ARHGAP10: variants seen among roughly 807,000 people sequenced by gnomAD.
The protein encoded by ARHGAP10 is rho GTPase-activating protein 10.
A neutral mutation model predicts 108.6 loss-of-function variants in ARHGAP10; 87 were observed. That is an observed-to-expected ratio of 0.80 (90% CI 0.67 to 0.96). The LOEUF (loss-of-function observed/expected upper bound fraction) is 0.96. Among genes scored for constraint, ARHGAP10 ranks in the 40% least tolerant of loss-of-function variants. The pLI is 0.00. For synonymous variants in ARHGAP10, 347 were observed against 341.1 expected (o/e 1.02, Z -0.19); for missense variants, 939 against 954.5 (o/e 0.98, Z 0.21).
chr4:147,877,040 G>A (rs190596013), intron 8 of ARHGAP10, among the ~76,000 whole-genome samples: 4 of 152,298 alleles, frequency 2.6e-5, no homozygotes, highest in Admixed American at 2.6e-4. Context: ...TAGTGTGTAT[G>A]CCCAGAGCTG....
intron 7 of ARHGAP10, among the ~76,000 whole-genome samples, chr4:147,868,039 G>A (rs1734641141): frequency 6.6e-6 from 1 of 151,808 alleles, no homozygotes; most frequent in African/African-American, 2.4e-5. Flanking sequence ...CATTCAGCTG[G>A]GCTAATGATA....
chr4:148,063,725 G>A (rs1439933149), intron 21 of ARHGAP10, among the ~76,000 whole-genome samples: 1 of 152,224 alleles, frequency 6.6e-6, no homozygotes, highest in Non-Finnish European at 1.5e-5. Context: ...TCTTCCACCT[G>A]TAGTGGCTCA....
intron 16 of ARHGAP10, among the ~76,000 whole-genome samples, chr4:147,963,062 A>G (rs530378738): frequency 6.6e-6 from 1 of 152,310 alleles, no homozygotes; most frequent in East Asian, 1.9e-4. Flanking sequence ...AATATCAGGC[A>G]TACCTTCCCC....
At chr4:147,866,944 C>G (rs1051812277) in intron 7 of ARHGAP10, 128 bp downstream of exon 7, 1 of 737,226 alleles carries the variant, frequency 1.4e-6, no homozygotes, top group African/African-American at 1.8e-5. Context: ...TGAGGGTATG[C>G]TGCCACCTGC....
Position 147,837,643 on chromosome 4 carries a change from G to GTTTTTTTTTTTTTTTTT in ARHGAP10, c.313-9505_313-9489dup, listed in dbSNP as rs59933316. Among the ~76,000 whole-genome samples, 228 of 70,216 alleles carry GTTTTTTTTTTTTTTTTT rather than the reference G, an allele frequency of 3.2e-3. 14 individuals are homozygous for GTTTTTTTTTTTTTTTTT. Among genetic ancestry groups the GTTTTTTTTTTTTTTTTT allele is most frequent in the Non-Finnish European group, 3.2e-3 (106 of 32,950 alleles). 46.1% of individuals were successfully genotyped at this position (70,216 alleles called of 152,430 possible). A position where few individuals can be genotyped will look rare whatever the true frequency, so the allele number is the denominator to read the frequency against. Reference sequence around the variant, plus strand: ...CACCTCGCTAGAATCTCTGGTCACTGTTTTTTTTTTTTTTTTTTTAAAGCA... The same window carrying GTTTTTTTTTTTTTTTTT: ...CACCTCGCTAGAATCTCTGGTCACTGTTTTTTTTTTTTTTTTTTTTTTTTTTTTTTTTTTTTAAAGCA... On this transcript the variant is annotated intron_variant, in intron 3 of 22. Coordinates refer to ENST00000336498, the MANE Select transcript of ARHGAP10 (RefSeq NM_024605.4).
chr4:148,009,933 T>C (rs1741106118), intron 18 of ARHGAP10, among the ~76,000 whole-genome samples: 1 of 152,224 alleles, frequency 6.6e-6, no homozygotes, highest in Non-Finnish European at 1.5e-5. Context: ...GTTTCTGGTA[T>C]CTGAATAAGG....
At position 147,827,811 on chromosome 4, in the gene ARHGAP10, T is replaced by G. The variant is rs529095237; in HGVS notation, c.312+4854T>G. Among the ~76,000 whole-genome samples the G allele has an allele frequency of 2.0e-4, 31 of 152,214 alleles. No individual in the cohort carries two copies. In the South Asian group the frequency reaches 2.7e-3, roughly 13 times the overall value. ...TTCATAGTGGTCACTTAATCTTTTTTTTTGTTTGTTTTTGAGATGGGGTCT... is the reference window on the plus strand; with the variant it reads ...TTCATAGTGGTCACTTAATCTTTTTGTTTGTTTGTTTTTGAGATGGGGTCT... On this transcript the variant is annotated intron_variant, in intron 3 of 22. Coordinates refer to ENST00000336498, the MANE Select transcript of ARHGAP10 (RefSeq NM_024605.4).
At chr4:147,890,835 C>A (rs1265408314) in intron 10 of ARHGAP10, among the ~76,000 whole-genome samples, 3 of 151,384 alleles carry the variant, frequency 2.0e-5, no homozygotes, top group African/African-American at 7.3e-5. Flanking sequence ...ACAAAAAAAA[C>A]AACAAAAAAA....
At chr4:147,909,907 T>C in intron 12 of ARHGAP10, 130 bp downstream of exon 12, 1 of 867,724 alleles carries the variant, frequency 1.2e-6, no homozygotes, top group African/African-American at 1.7e-5. Flanking sequence ...GTATTACACG[T>C]AATAATCCTC....
chr4:147,887,521 C>T (rs1735619998), intron 10 of ARHGAP10, among the ~76,000 whole-genome samples: 2 of 152,126 alleles, frequency 1.3e-5, no homozygotes, highest in Admixed American at 1.3e-4. Flanking sequence ...TTTTTAACTC[C>T]TATAAACATA....
At chr4:147,984,417 G>A (rs904158815) in intron 18 of ARHGAP10, among the ~76,000 whole-genome samples, 1 of 152,240 alleles carries the variant, frequency 6.6e-6, no homozygotes, top group Non-Finnish European at 1.5e-5. Flanking sequence ...CTCCATGTTC[G>A]TTCCAGGGCT....
chr4:147,982,207 T>C (rs1739834416), intron 18 of ARHGAP10, among the ~76,000 whole-genome samples: 1 of 152,138 alleles, frequency 6.6e-6, no homozygotes, highest in South Asian at 2.1e-4. Context: ...TCAGCTGTCA[T>C]TCTGATGGGT....
At position 147,896,724 on chromosome 4, in the gene ARHGAP10, C is replaced by T. The variant is rs1736005907; in HGVS notation, c.1035-9914C>T. ...TTAGAAGCACAGATCATTAATTTTA[C>T]ACCTTGTTTTTGAGATGGGCATTTG... On this transcript the variant is annotated intron_variant, in intron 10 of 22. Transcript: ENST00000336498. Among the ~76,000 whole-genome samples the T allele has an allele frequency of 3.3e-5, 5 of 151,862 alleles. 1 individual carries two copies. In the South Asian group the frequency reaches 1.0e-3, roughly 32 times the overall value.
At chr4:147,958,364 C>A (rs1457629167) in intron 16 of ARHGAP10, among the ~76,000 whole-genome samples, 1 of 151,618 alleles carries the variant, frequency 6.6e-6, no homozygotes. Flanking sequence ...ACTTGTGTTG[C>A]TATGTTCAGT....
intron 1 of ARHGAP10, among the ~76,000 whole-genome samples, chr4:147,800,549 C>T (rs1438744091): frequency 1.3e-5 from 2 of 152,136 alleles, no homozygotes; most frequent in African/African-American, 2.4e-5. Context: ...AATGAGCCTA[C>T]CTGAGCTGCC....
At chr4:147,789,518 C>T (rs922724275) in intron 1 of ARHGAP10, among the ~76,000 whole-genome samples, 1 of 152,340 alleles carries the variant, frequency 6.6e-6, no homozygotes, top group Admixed American at 6.5e-5. Context: ...TCTTGAACTC[C>T]TGGCCTCGGC....
chr4:147,874,455 G>A (rs1333922817), intron 7 of ARHGAP10, among the ~76,000 whole-genome samples: 1 of 150,990 alleles, frequency 6.6e-6, no homozygotes, highest in Non-Finnish European at 1.5e-5. Flanking sequence ...GTGTAGGTGA[G>A]ATTTTTTTTC....
At chr4:147,906,774 T>C in intron 11 of ARHGAP10, 55 bp downstream of exon 11, 1 of 1,588,510 alleles carries the variant, frequency 6.3e-7, no homozygotes, top group Non-Finnish European at 8.6e-7. Flanking sequence ...TTGACTTGCA[T>C]TCATTTTTAT....
rs1223211877 is a variant in ARHGAP10, at chr4:147,784,927, TATGTTATAAAATATAAAAC to T, written c.155-37784_155-37766del. Among the ~76,000 whole-genome samples, 25 of 123,952 alleles carry T rather than the reference TATGTTATAAAATATAAAAC, an allele frequency of 2.0e-4. No individual in the cohort carries two copies. In the East Asian group the frequency reaches 3.2e-3, roughly 16 times the overall value. The allele number at this position is 123,952 out of a possible 152,430, so 81.3% of individuals were successfully genotyped here. A position where few individuals can be genotyped will look rare whatever the true frequency, so the allele number is the denominator to read the frequency against. On this transcript the variant is annotated intron_variant, in intron 1 of 22. Coordinates refer to ENST00000336498, the MANE Select transcript of ARHGAP10 (RefSeq NM_024605.4). ...TATAAATATAATATATTATAAAATA[TATGTTATAAAATATAAAAC>T]ATGTTATAAAATATATTATGAAATA...
Sources: allele counts gnomAD v4.1 joint callset (sites outside exome capture counted in the v4.1 genomes callset), GRCh38; gene constraint gnomAD v4.1.1; transcripts MANE v1.5; gene names NCBI Gene and HGNC (gene_info 2026-07-23, HGNC 2026-07-21).